Variants in CCDC83 observed in about 807,000 individuals in gnomAD.
The protein encoded by CCDC83 is coiled-coil domain-containing protein 83.
A neutral mutation model predicts 50.1 loss-of-function variants in CCDC83; 54 were observed. The ratio of observed to expected loss-of-function variants is 1.08; its 90% CI spans 0.87 to 1.35. The LOEUF (loss-of-function observed/expected upper bound fraction) is 1.35, where lower values mean the gene tolerates loss of function less well. CCDC83 is among the 40% of genes most tolerant of loss of function. The pLI, the probability that CCDC83 is intolerant of heterozygous loss-of-function variation, is 0.00. For missense variants in CCDC83, 518 were observed against 473.9 expected (o/e 1.09, Z -0.86); for synonymous variants, 161 against 153.3 (o/e 1.05, Z -0.37).
intron 3 of CCDC83, among the ~76,000 whole-genome samples, chr11:85,874,498 C>T (rs2042992309): frequency 6.6e-6 from 1 of 152,196 alleles, no homozygotes; most frequent in African/African-American, 2.4e-5. Flanking sequence ...CTCAAGAATG[C>T]ACATTAGTGG....
intron 3 of CCDC83, among the ~76,000 whole-genome samples, chr11:85,880,106 T>A (rs2093291600): frequency 6.6e-6 from 1 of 152,214 alleles, no homozygotes; most frequent in African/African-American, 2.4e-5. Context: ...TCTTCCCATA[T>A]AAATTTTAGA....
intron 4 of CCDC83, among the ~76,000 whole-genome samples, chr11:85,884,952 T>G (rs2093319424): frequency 6.6e-6 from 1 of 152,242 alleles, no homozygotes; most frequent in South Asian, 2.1e-4. Flanking sequence ...GACTCATACC[T>G]GTAATCCTAG....
At chr11:85,915,545 T>C in intron 9 of CCDC83, 47 bp downstream of exon 9, 1 of 1,393,974 alleles carries the variant, frequency 7.2e-7, no homozygotes, top group South Asian at 1.2e-5. Context: ...CAAACTCTTG[T>C]TTTTCAATTT....
intron 7 of CCDC83, among the ~76,000 whole-genome samples, chr11:85,907,906 T>C (rs1294318237): frequency 6.6e-6 from 1 of 152,136 alleles, no homozygotes; most frequent in African/African-American, 2.4e-5. Context: ...AGGTCAAACA[T>C]CTCCCAAATG....
At position 85,900,224 on chromosome 11, in the gene CCDC83, G is replaced by T. The variant is rs146150320; in HGVS notation, c.672+1209G>T. ...TTGATGATCTGAATAGGGAGCATCTGTATCAGTAAGCATCTGCCATCACCC... is the reference window on the plus strand; with the variant it reads ...TTGATGATCTGAATAGGGAGCATCTTTATCAGTAAGCATCTGCCATCACCC... On this transcript the variant is annotated intron_variant, in intron 7 of 10. Transcript: ENST00000342404. Among the ~76,000 whole-genome samples the T allele has an allele frequency of 9.1e-4, 139 of 152,314 alleles. 2 individuals carry two copies. Among genetic ancestry groups the T allele is most frequent in the Non-Finnish European group, 1.3e-4 (9 of 68,028 alleles).
At chr11:85,878,298 A>G (rs2135019557) in intron 3 of CCDC83, among the ~76,000 whole-genome samples, 1 of 152,330 alleles carries the variant, frequency 6.6e-6, no homozygotes, top group South Asian at 2.1e-4. Context: ...CATCACCACA[A>G]GTATCCCTCA....
chr11:85,863,346 T>C (rs1380180913), intron 1 of CCDC83, among the ~76,000 whole-genome samples: 1 of 152,222 alleles, frequency 6.6e-6, no homozygotes, highest in African/African-American at 2.4e-5. Context: ...TAGCTGATAA[T>C]TTTCTGTGAA....
rs200699373 is a variant in CCDC83 at position 85,901,929 on chromosome 11, G to A, written c.672+2914G>A. On this transcript the variant is annotated intron_variant, in intron 7 of 10. Coordinates refer to ENST00000342404, the MANE Select transcript of CCDC83 (RefSeq NM_001286159.2). ...GCCTGTGGTCTCAGCTACTCAGGAG[G>A]CTGGAGTGGGAGAATCACTTGAGCC... Among the ~76,000 whole-genome samples the A allele has an allele frequency of 1.8e-4, 27 of 152,200 alleles. No homozygotes were observed. In the East Asian group the frequency reaches 4.8e-3, roughly 27 times the overall value.
At position 85,873,268 on chromosome 11, in the gene CCDC83, G is replaced by A; in HGVS notation, c.153G>A (p.Arg51=). The part of the protein sequence containing the change: ...EQFMFQIKTL[R]KKNQKYHERN... ...TCATGTTTCAAATAAAGACACTTAG[G>A]AAAAAGAACCAAAAATATCATGAAA... is the stretch of plus-strand genomic sequence containing the variant. The change falls in exon 3 of 11, where the codon AGG becomes AGA. Residue 51 remains arginine (R), a synonymous_variant. Coordinates refer to ENST00000342404, the MANE Select transcript of CCDC83 (RefSeq NM_001286159.2). The A allele has an allele frequency of 6.5e-7, 1 of 1,532,732 alleles. No homozygotes were observed. The highest frequency in any genetic ancestry group is 8.9e-7 in the Non-Finnish European group (1 of 1,128,228). The allele number at this position is 1,532,732 out of a possible 1,614,324, so 94.9% of individuals were successfully genotyped here.
chr11:85,917,166 G>GAAAGAAAGAAAGAA (rs59229600), intron 10 of CCDC83, among the ~76,000 whole-genome samples: 1,486 of 61,810 alleles, frequency 0.024, 36 homozygotes, highest in Non-Finnish European at 0.038. Context: ...GAGAGAGAGA[G>GAAAGAAAGAAAGAA]AGAAAGAAAG....
intron 5 of CCDC83, among the ~76,000 whole-genome samples, chr11:85,886,648 C>T (rs1159600066): frequency 6.6e-6 from 1 of 152,158 alleles, no homozygotes; most frequent in Non-Finnish European, 1.5e-5. Flanking sequence ...TGGCTGGATG[C>T]GGTGGCTCAT....
intron 10 of CCDC83, among the ~76,000 whole-genome samples, chr11:85,917,273 AGG>A: frequency 1.3e-5 from 1 of 76,560 alleles, no homozygotes; most frequent in Non-Finnish European, 3.2e-5. Context: ...GAAGGAAGGA[AGG>A]AAAGAAGGAA....
At chr11:85,917,278 A>AGAAG (rs1309940460) in intron 10 of CCDC83, among the ~76,000 whole-genome samples, 1 of 77,714 alleles carries the variant, frequency 1.3e-5, no homozygotes, top group African/African-American at 3.6e-5. Flanking sequence ...AAGGAAGGAA[A>AGAAG]GAAGGAAGGA....
At chr11:85,879,475 C>G (rs919098647) in intron 3 of CCDC83, among the ~76,000 whole-genome samples, 4 of 152,010 alleles carry the variant, frequency 2.6e-5, no homozygotes, top group African/African-American at 9.7e-5. Context: ...AGAAGATATA[C>G]AAATGGCTAA....
intron 5 of CCDC83, among the ~76,000 whole-genome samples, chr11:85,894,549 T>TA (rs1258422947): frequency 6.6e-6 from 1 of 152,248 alleles, no homozygotes; most frequent in Non-Finnish European, 1.5e-5. Context: ...TCACCCGATC[T>TA]AAAATTGAGA....
At chr11:85,893,756 G>A (rs1386796530) in intron 5 of CCDC83, among the ~76,000 whole-genome samples, 3 of 152,194 alleles carry the variant, frequency 2.0e-5, no homozygotes, top group Admixed American at 2.0e-4. Context: ...GATCTAGGCT[G>A]CATGCTCCTT....
intron 5 of CCDC83, among the ~76,000 whole-genome samples, chr11:85,893,040 A>G (rs1316840895): frequency 6.6e-6 from 1 of 152,062 alleles, no homozygotes; most frequent in African/African-American, 2.4e-5. Context: ...CCACCCCACA[A>G]GTTAGGAGAA....
At chr11:85,904,773 G>C (rs2093417570) in intron 7 of CCDC83, among the ~76,000 whole-genome samples, 1 of 151,978 alleles carries the variant, frequency 6.6e-6, no homozygotes. Context: ...CATCTGCCCA[G>C]ACACTCAAGA....
intron 2 of CCDC83, among the ~76,000 whole-genome samples, chr11:85,869,712 T>A (rs1433648351): frequency 6.6e-6 from 1 of 152,240 alleles, no homozygotes; most frequent in East Asian, 1.9e-4. Flanking sequence ...GTGTGACATG[T>A]CAGATTCTAG....
Sources: allele counts gnomAD v4.1 joint callset (sites outside exome capture counted in the v4.1 genomes callset), GRCh38; gene constraint gnomAD v4.1.1; transcripts MANE v1.5; gene names NCBI Gene and HGNC (gene_info 2026-07-23, HGNC 2026-07-21).